ORC3: variants seen among roughly 807,000 people sequenced by gnomAD.
The protein encoded by ORC3 is origin recognition complex subunit 3.
ORC3 carries 78 observed loss-of-function variants against 100.7 expected under a neutral mutation model. The ratio of observed to expected loss-of-function variants is 0.77; its 90% CI spans 0.65 to 0.94. The LOEUF (loss-of-function observed/expected upper bound fraction) is 0.94. Ranked by LOEUF, ORC3 falls within the 40% of genes least tolerant of loss-of-function variation. The probability of loss-of-function intolerance (pLI) is 0.00; values close to 1 mark genes in which losing one functional copy is unlikely to be tolerated. For synonymous variants in ORC3, 295 were observed against 289.3 expected, an observed-to-expected ratio of 1.02 and a Z score of -0.20; for missense variants, 789 against 823.9, an observed-to-expected ratio of 0.96 and a Z score of 0.52.
intron 16 of ORC3, among the ~76,000 whole-genome samples, chr6:87,659,544 C>T (rs563867530): frequency 3.6e-4 from 54 of 152,070 alleles, no homozygotes; most frequent in South Asian, 1.5e-3. Flanking sequence ...GTCATTGTTC[C>T]TAGTCATTGG....
chr6:87,611,271 G>A (rs988739003), intron 7 of ORC3, among the ~76,000 whole-genome samples: 5 of 151,894 alleles, frequency 3.3e-5, no homozygotes, highest in Non-Finnish European at 5.9e-5. Context: ...ATTGCACCCA[G>A]CCCAGATCCT....
the ORC3 span, chr6:87,677,739 A>T: frequency 1.9e-3 from 2,777 of 1,491,486 alleles, 36 homozygotes; most frequent in African/African-American, 0.032. Flanking sequence ...AGTGTATAGA[A>T]AGTGAAATTA....
At position 87,590,153 on chromosome 6, in the gene ORC3, C is replaced by T; in HGVS notation, c.-16C>T. The T allele has an allele frequency of 6.2e-7, 1 of 1,614,058 alleles. No homozygotes were observed. Among genetic ancestry groups the T allele is most frequent in the Non-Finnish European group, 8.5e-7 (1 of 1,179,854 alleles). Reference sequence around the variant, plus strand: ...AAATCCCGAGTGCATCTGGAATACGCAGAGTCAGTAAGACCATGGCTACGT... The same window carrying T: ...AAATCCCGAGTGCATCTGGAATACGTAGAGTCAGTAAGACCATGGCTACGT... On this transcript the variant is annotated 5_prime_UTR_variant, in exon 1 of 20. Transcript: ENST00000392844.
At chr6:87,633,121 C>T (rs1431107744) in intron 11 of ORC3, among the ~76,000 whole-genome samples, 1 of 152,162 alleles carries the variant, frequency 6.6e-6, no homozygotes, top group Admixed American at 6.5e-5. Context: ...CACCCAGATA[C>T]TTGTACACAT....
chr6:87,672,924 GAAGAAT>G, the ORC3 span, among the ~76,000 whole-genome samples: 3 of 152,002 alleles, frequency 2.0e-5, no homozygotes, highest in Non-Finnish European at 4.4e-5. Flanking sequence ...CCTTTTACTG[GAAGAAT>G]AAGATGACTA....
chr6:87,672,890 T>TAATG, the ORC3 span, among the ~76,000 whole-genome samples: 1 of 152,190 alleles, frequency 6.6e-6, no homozygotes, highest in South Asian at 2.1e-4. Flanking sequence ...AAACACATCA[T>TAATG]AGTACAGTAC....
chr6:87,590,509 C>A (rs1256087086), intron 1 of ORC3, among the ~76,000 whole-genome samples: 1 of 152,176 alleles, frequency 6.6e-6, no homozygotes, highest in East Asian at 1.9e-4. Flanking sequence ...CCGTTAGGTA[C>A]CAAGATGCAG....
intron 11 of ORC3, among the ~76,000 whole-genome samples, chr6:87,632,130 C>T (rs540333245): frequency 3.9e-4 from 60 of 152,104 alleles, no homozygotes; most frequent in Admixed American, 1.3e-3. Context: ...CGCCACTGCA[C>T]TCCAGCCTGG....
chr6:87,607,821 A>G lies in ORC3; in HGVS notation c.576A>G (p.Thr192=), dbSNP rs757928205. 1.2e-6 allele frequency: 2 copies of G among 1,605,924 alleles called. No individual in the cohort carries two copies. Among genetic ancestry groups the G allele is most frequent in the Non-Finnish European group, 1.7e-6 (2 of 1,175,034 alleles). ...TTTCCAGTTGGTATATGACTGTCACACAGGTAGATATAAACTGATGATTTT... is the reference window on the plus strand; with the variant it reads ...TTTCCAGTTGGTATATGACTGTCACGCAGGTAGATATAAACTGATGATTTT... ...DSLSSWYMTV[T]QKTDPKMLSK... The change falls in exon 6 of 20, where the codon ACA becomes ACG. Residue 192 remains threonine (T), a synonymous_variant. Coordinates refer to ENST00000392844, the MANE Select transcript of ORC3 (RefSeq NM_012381.4).
chr6:87,594,314 G>C (rs1333253225), intron 1 of ORC3, 39 bp from the exon 2 acceptor site: 2 of 1,463,216 alleles, frequency 1.4e-6, no homozygotes, highest in Non-Finnish European at 1.9e-6. Context: ...CTGCTCCTTG[G>C]CTACTTTGAC....
At chr6:87,610,923 T>C (rs4707382) in intron 7 of ORC3, among the ~76,000 whole-genome samples, 84,389 of 143,160 alleles carry the variant, frequency 0.59, 25,639 homozygotes, top group African/African-American at 0.71. Context: ...GTTCTATATA[T>C]TAGGACTTTT....
chr6:87,620,112 T>A (rs1256121608), intron 9 of ORC3, among the ~76,000 whole-genome samples: 1 of 152,214 alleles, frequency 6.6e-6, no homozygotes, highest in Non-Finnish European at 1.5e-5. Flanking sequence ...AATAGTTAAG[T>A]GATAATGGGT....
intron 11 of ORC3, among the ~76,000 whole-genome samples, chr6:87,633,966 T>C (rs1278167771): frequency 1.3e-5 from 2 of 152,212 alleles, no homozygotes; most frequent in African/African-American, 2.4e-5. Context: ...TCTTTTTTTC[T>C]GTATCTAAAT....
intron 2 of ORC3, among the ~76,000 whole-genome samples, chr6:87,598,574 T>C (rs1202294871): frequency 6.6e-6 from 1 of 152,178 alleles, no homozygotes; most frequent in East Asian, 1.9e-4. Flanking sequence ...TACAACTTAT[T>C]AGGATTGGTT....
chr6:87,657,136 C>T (rs1217360836), intron 15 of ORC3, 154 bp downstream of exon 15: 1 of 579,246 alleles, frequency 1.7e-6, no homozygotes, highest in Admixed American at 2.8e-5. Flanking sequence ...AGTTGAACAT[C>T]CTGTTAGTCC....
chr6:87,619,797 A>T (rs1055831212), intron 9 of ORC3, among the ~76,000 whole-genome samples: 4 of 152,218 alleles, frequency 2.6e-5, no homozygotes, highest in Non-Finnish European at 5.9e-5. Flanking sequence ...CACACCACTA[A>T]CAAGTGACAG....
intron 9 of ORC3, among the ~76,000 whole-genome samples, chr6:87,618,225 A>G (rs1323043483): frequency 6.6e-6 from 1 of 152,164 alleles, no homozygotes; most frequent in Admixed American, 6.5e-5. Flanking sequence ...CCTGGCCAAC[A>G]TGGTGAAACC....
chr6:87,600,907 A>G (rs1777849507), intron 2 of ORC3, among the ~76,000 whole-genome samples: 1 of 152,224 alleles, frequency 6.6e-6, no homozygotes, highest in Non-Finnish European at 1.5e-5. Flanking sequence ...GTTATGATAT[A>G]AAGTGTATTC....
intron 8 of ORC3, among the ~76,000 whole-genome samples, chr6:87,613,154 G>T (rs1261408793): frequency 2.0e-5 from 3 of 152,168 alleles, no homozygotes; most frequent in African/African-American, 7.2e-5. Flanking sequence ...AGGTTTAATG[G>T]ACTCATAGTT....
Sources: gnomAD v4.1 joint callset for allele counts (sites outside exome capture counted in the v4.1 genomes callset) on GRCh38, gnomAD v4.1.1 for gene constraint, MANE v1.5 for transcripts, NCBI Gene and HGNC (gene_info 2026-07-23, HGNC 2026-07-21) for gene names.